Variants in ARHGAP32 observed in about 807,000 individuals in gnomAD.
ARHGAP32 encodes rho GTPase-activating protein 32.
ARHGAP32 carries 51 observed loss-of-function variants against 186.5 expected under a neutral mutation model. The ratio of observed to expected loss-of-function variants is 0.27; its 90% confidence interval spans 0.22 to 0.35. ARHGAP32 has a LOEUF of 0.35. Among genes scored for constraint, ARHGAP32 ranks in the 10% least tolerant of loss-of-function variants. ARHGAP32 has a pLI of 1.00. For synonymous variants in ARHGAP32, 950 were observed against 964.3 expected, an observed-to-expected ratio of 0.99 and a Z score of 0.27; for missense variants, 2,186 against 2,623.5, an observed-to-expected ratio of 0.83 and a Z score of 3.64.
intron 2 of ARHGAP32, among the ~76,000 whole-genome samples, chr11:129,146,888 T>C (rs1452177000): frequency 6.6e-6 from 1 of 152,072 alleles, no homozygotes; most frequent in Non-Finnish European, 1.5e-5. Context: ...CCAAATGGAA[T>C]TGAGTGTAAA....
At chr11:129,062,197 C>T (rs570724748) in intron 10 of ARHGAP32, 83 bp downstream of exon 10, 3 of 1,147,986 alleles carry the variant, frequency 2.6e-6, no homozygotes, top group South Asian at 1.3e-5. Flanking sequence ...AAGTCCATTA[C>T]CAGCACATGT....
chr11:129,043,381 C>CTTTTT (rs1213682729), intron 10 of ARHGAP32, among the ~76,000 whole-genome samples: 8 of 103,334 alleles, frequency 7.7e-5, no homozygotes, highest in African/African-American at 7.7e-5. Flanking sequence ...TTCTTTTTTT[C>CTTTTT]TTTTTTTTTT....
chr11:129,164,532 G>A (rs1419703334), intron 1 of ARHGAP32, 105 bp from the exon 2 acceptor site: 4 of 680,730 alleles, frequency 5.9e-6, no homozygotes, highest in South Asian at 4.0e-5. Context: ...CAGATTTGAA[G>A]TTTAGCTAAA....
intron 2 of ARHGAP32, among the ~76,000 whole-genome samples, chr11:129,138,715 T>C (rs1942988161): frequency 6.6e-6 from 1 of 152,186 alleles, no homozygotes. Flanking sequence ...CTCCATATTA[T>C]TTATGTGTCT....
chr11:129,112,236 C>CAA (rs35290084), intron 5 of ARHGAP32, among the ~76,000 whole-genome samples: 7 of 140,296 alleles, frequency 5.0e-5, no homozygotes, highest in Middle Eastern at 3.7e-3. Flanking sequence ...GAGCAAGACT[C>CAA]AAAAAAAAAA....
At chr11:129,206,252 C>T (rs1330371736) in intron 1 of ARHGAP32, among the ~76,000 whole-genome samples, 1 of 152,152 alleles carries the variant, frequency 6.6e-6, no homozygotes, top group African/African-American at 2.4e-5. Flanking sequence ...CACTCTGTCA[C>T]CCAGGCTGGA....
chr11:129,174,330 G>C (rs888114909), intron 1 of ARHGAP32, among the ~76,000 whole-genome samples: 4 of 152,190 alleles, frequency 2.6e-5, no homozygotes, highest in African/African-American at 7.2e-5. Context: ...ACAGCAGTCT[G>C]AGATCAAACT....
At chr11:129,171,405 C>T (rs538524381) in intron 1 of ARHGAP32, among the ~76,000 whole-genome samples, 1 of 152,138 alleles carries the variant, frequency 6.6e-6, no homozygotes, top group African/African-American at 2.4e-5. Flanking sequence ...CCAGTTTTCC[C>T]AGCACCATTT....
At chr11:129,056,050 A>AG (rs1307026221) in intron 10 of ARHGAP32, among the ~76,000 whole-genome samples, 1 of 152,266 alleles carries the variant, frequency 6.6e-6, no homozygotes, top group East Asian at 1.9e-4. Context: ...GGTGCTCCTT[A>AG]GACCACTCTT....
intron 11 of ARHGAP32, among the ~76,000 whole-genome samples, chr11:129,014,106 C>T (rs972396862): frequency 1.3e-5 from 2 of 152,204 alleles, no homozygotes; most frequent in Middle Eastern, 3.2e-3. Flanking sequence ...AAATTTCCTA[C>T]TTCAGAGCTA....
At position 129,207,186 on chromosome 11, in the gene ARHGAP32, G is replaced by T. The variant is rs188274788; in HGVS notation, c.-4-42759C>A. Among the ~76,000 whole-genome samples the T allele has an allele frequency of 3.3e-5, 5 of 152,218 alleles. 1 individual carries two copies. Among genetic ancestry groups the T allele is most frequent in the African/African-American group, 1.2e-4 (5 of 41,534 alleles). On this transcript the variant is annotated intron_variant, in intron 1 of 6. Transcript: ENST00000525234. ...GCATTTGGGATGGTTCCAAGTCTTT[G>T]CTATTGTGAACAGTGTTGCAATAAA...
rs1194608383 is a variant in ARHGAP32, at chr11:128,968,098, T to TA, written c.*808dup. 6.6e-6 allele frequency: 1 copy of TA among 152,222 alleles called. No individual in the cohort carries two copies. Among genetic ancestry groups the TA allele is most frequent in the Admixed American group, 6.5e-5 (1 of 15,290 alleles). 9.4% of individuals were successfully genotyped at this position (152,222 alleles called of 1,614,324 possible). ...CATCAATAGAGATTTCTGGTGCTAA[T>TA]AAAGTTCACTGACAATAAGAACTTT... On this transcript the variant is annotated 3_prime_UTR_variant, in exon 23 of 23. Coordinates refer to ENST00000682385, the MANE Select transcript of ARHGAP32 (RefSeq NM_001378024.1).
At chr11:129,128,220 T>C (rs976312116) in intron 2 of ARHGAP32, among the ~76,000 whole-genome samples, 1 of 152,206 alleles carries the variant, frequency 6.6e-6, no homozygotes, top group Non-Finnish European at 1.5e-5. Context: ...ATACAGTATA[T>C]TGGGGCATTT....
At position 129,062,364 on chromosome 11, in the gene ARHGAP32, G is replaced by A. The variant is rs766875833; in HGVS notation, c.886-7C>T. The A allele has an allele frequency of 3.1e-6, 5 of 1,610,312 alleles. No homozygotes were observed. Among genetic ancestry groups the A allele is most frequent in the Non-Finnish European group, 4.2e-6 (5 of 1,177,892 alleles). On this transcript the variant is annotated splice_polypyrimidine_tract_variant and splice_region_variant and intron_variant, in intron 9 of 22. Transcript: ENST00000682385. ...CAGAAACAATGTCTCCCACCTAGGAGAATCAAAATTTTAAGCAAAATGGTT... is the reference window on the plus strand; with the variant it reads ...CAGAAACAATGTCTCCCACCTAGGAAAATCAAAATTTTAAGCAAAATGGTT...
chr11:129,110,826 T>C (rs1942192248), intron 5 of ARHGAP32, among the ~76,000 whole-genome samples: 1 of 152,232 alleles, frequency 6.6e-6, no homozygotes, highest in African/African-American at 2.4e-5. Flanking sequence ...CAAAAAGTTT[T>C]CTGTGAAGTC....
chr11:129,125,788 T>C (rs1942645633), intron 2 of ARHGAP32: 1 of 360,662 alleles, frequency 2.8e-6, no homozygotes, highest in Non-Finnish European at 5.4e-6. Flanking sequence ...TCAATTTTCC[T>C]TTTTGAGGGT....
intron 7 of ARHGAP32, among the ~76,000 whole-genome samples, 191 bp from the exon 8 acceptor site, chr11:129,065,124 G>C (rs1390303424): frequency 6.6e-6 from 1 of 152,108 alleles, no homozygotes; most frequent in Non-Finnish European, 1.5e-5. Context: ...GTCTCATGCA[G>C]AGCTTCAATT....
chr11:129,129,195 C>G (rs11221571), intron 2 of ARHGAP32, among the ~76,000 whole-genome samples: 2 of 116,232 alleles, frequency 1.7e-5, no homozygotes. Context: ...GCCCGGCAGC[C>G]GCACCGTCTG....
At chr11:129,244,719 A>G (rs1945067557) in intron 1 of ARHGAP32, among the ~76,000 whole-genome samples, 1 of 152,138 alleles carries the variant, frequency 6.6e-6, no homozygotes, top group Non-Finnish European at 1.5e-5. Context: ...GCTAATATCC[A>G]GAATCTACAA....
Sources: gnomAD v4.1 joint callset for allele counts (sites outside exome capture counted in the v4.1 genomes callset) on GRCh38, gnomAD v4.1.1 for gene constraint, MANE v1.5 for transcripts, NCBI Gene and HGNC (gene_info 2026-07-23, HGNC 2026-07-21) for gene names.